Variants in ST7 observed in about 807,000 individuals in gnomAD.
ST7 encodes suppressor of tumorigenicity 7 protein.
In ST7, 28 loss-of-function variants were observed where a neutral mutation model predicts 78.7. That is an observed-to-expected ratio of 0.36 (90% CI 0.26 to 0.49). The LOEUF is 0.49. Ranked by LOEUF, ST7 falls within the 20% of genes least tolerant of loss-of-function variation. The probability of loss-of-function intolerance (pLI) is 0.99; values close to 1 mark genes in which losing one functional copy is unlikely to be tolerated. For synonymous variants in ST7, 247 were observed against 249.6 expected (o/e 0.99, Z 0.10); for missense variants, 418 against 696.0 (o/e 0.60, Z 4.49).
intron 1 of ST7, among the ~76,000 whole-genome samples, chr7:117,039,580 CAA>C (rs573637216): frequency 2.8e-4 from 23 of 81,390 alleles, no homozygotes; most frequent in Admixed American, 3.9e-4. Context: ...TCTGTAAAAG[CAA>C]AAAAAAAAAA....
chr7:117,217,810 A>C (rs1331024535), intron 13 of ST7, among the ~76,000 whole-genome samples: 1 of 152,220 alleles, frequency 6.6e-6, no homozygotes, highest in East Asian at 1.9e-4. Flanking sequence ...TCCCACATTT[A>C]TAGTGATTTA....
chr7:117,216,813 A>G (rs1046988111), intron 13 of ST7, among the ~76,000 whole-genome samples: 1 of 124,492 alleles, frequency 8.0e-6, no homozygotes, highest in African/African-American at 3.0e-5. Context: ...CATGAGAGAG[A>G]TTTTAAGAGC....
intron 1 of ST7, among the ~76,000 whole-genome samples, chr7:117,067,066 A>G (rs942140561): frequency 6.6e-6 from 1 of 152,076 alleles, no homozygotes; most frequent in Non-Finnish European, 1.5e-5. Context: ...CCATTTTGTA[A>G]CATGTATCAG....
At chr7:117,115,789 C>T (rs1214773807) in intron 2 of ST7, among the ~76,000 whole-genome samples, 1 of 152,092 alleles carries the variant, frequency 6.6e-6, no homozygotes, top group Non-Finnish European at 1.5e-5. Context: ...CTCTCTTTTT[C>T]ATAAAAAACA....
intron 1 of ST7, among the ~76,000 whole-genome samples, chr7:117,082,920 G>A (rs1019126145): frequency 2.0e-5 from 3 of 152,170 alleles, no homozygotes; most frequent in Non-Finnish European, 2.9e-5. Flanking sequence ...ATGTAGACAG[G>A]TCTGGTGTGT....
chr7:117,145,068 C>T (rs1476371570), intron 9 of ST7, among the ~76,000 whole-genome samples: 1 of 151,926 alleles, frequency 6.6e-6, no homozygotes, highest in Non-Finnish European at 1.5e-5. Context: ...GGTGTGGTAG[C>T]ACACGCCTGT....
At chr7:117,095,452 C>T (rs879452038) in intron 1 of ST7, among the ~76,000 whole-genome samples, 4 of 152,322 alleles carry the variant, frequency 2.6e-5, no homozygotes, top group Middle Eastern at 3.4e-3. Context: ...TTAGTTTCTT[C>T]TCAGTGCCAC....
intron 10 of ST7, among the ~76,000 whole-genome samples, chr7:117,175,697 A>C (rs779818421): frequency 2.0e-5 from 3 of 152,228 alleles, no homozygotes; most frequent in Non-Finnish European, 2.9e-5. Context: ...CCAAGATCAC[A>C]CAGCGGGTAA....
chr7:117,151,990 A>C (rs1806280888), intron 9 of ST7, among the ~76,000 whole-genome samples: 1 of 151,372 alleles, frequency 6.6e-6, no homozygotes, highest in African/African-American at 2.4e-5. Context: ...GTGGTGGCAC[A>C]TGCCTGTAGT....
intron 12 of ST7, among the ~76,000 whole-genome samples, chr7:117,205,251 G>A (rs1291810568): frequency 6.6e-6 from 1 of 151,990 alleles, no homozygotes; most frequent in African/African-American, 2.4e-5. Flanking sequence ...TAAATTGTTA[G>A]GGTACATTGA....
rs757562983 is a variant in ST7, at chr7:117,190,861, G to T, written c.1179G>T (p.Arg393=). 2 of 1,614,034 alleles carry T rather than the reference G, an allele frequency of 1.2e-6. No individual in the cohort carries two copies. Among genetic ancestry groups the T allele is most frequent in the Non-Finnish European group, 1.7e-6 (2 of 1,179,988 alleles). The stretch of plus-strand genomic sequence containing the variant: ...TCTCTCCTGAGGCTGCATCTCGGCG[G>T]GGGCTGAGCACAGCAGAGATGAATG... ...DKFSPEAASR[R]GLSTAEMNAV... The change falls in exon 12 of 16, where the codon CGG becomes CGT. Residue 393 remains arginine (R), a synonymous_variant. Transcript: ENST00000323984. This position sits in a 1 kb window ranked among gnomAD's most constrained non-coding sequence, Gnocchi z 5.2.
Position 117,142,101 on chromosome 7 carries a change from C to T in ST7, c.963+3569C>T, listed in dbSNP as rs546746662. Among the ~76,000 whole-genome samples, 179 of 152,158 alleles carry T rather than the reference C, an allele frequency of 1.2e-3. 1 individual carries two copies. The highest frequency in any genetic ancestry group is 4.1e-3 in the African/African-American group (170 of 41,518). ...TTTTGCCTCTTCAACATTTAATATA[C>T]GATACAATTTCTTTTTTCCTTTTGA... On this transcript the variant is annotated intron_variant, in intron 9 of 15. Coordinates refer to ENST00000323984, the MANE Select transcript of ST7 (RefSeq NM_001369598.1).
At chr7:117,175,368 G>T (rs1031361469) in intron 10 of ST7, among the ~76,000 whole-genome samples, 1 of 152,212 alleles carries the variant, frequency 6.6e-6, no homozygotes, top group Admixed American at 6.5e-5. Context: ...CAAAGATTAG[G>T]GTGGGAGTGT....
chr7:117,143,351 G>T (rs973056123), intron 9 of ST7, among the ~76,000 whole-genome samples: 1 of 152,072 alleles, frequency 6.6e-6, no homozygotes, highest in Non-Finnish European at 1.5e-5. Flanking sequence ...AGATCATCAT[G>T]CTGTTCTTGA....
intron 3 of ST7, among the ~76,000 whole-genome samples, chr7:117,127,505 A>G (rs1803950793): frequency 6.6e-6 from 1 of 151,950 alleles, no homozygotes; most frequent in Admixed American, 6.6e-5. Context: ...TAAAATAAAA[A>G]TATACCTGTC....
intron 15 of ST7, among the ~76,000 whole-genome samples, chr7:117,224,742 T>C (rs1246091875): frequency 1.3e-5 from 2 of 152,174 alleles, no homozygotes; most frequent in East Asian, 3.8e-4. Context: ...GAGGTATCTG[T>C]ATTTTTCACA....
chr7:117,101,962 C>T (rs904501656), intron 2 of ST7, among the ~76,000 whole-genome samples: 3 of 152,102 alleles, frequency 2.0e-5, no homozygotes, highest in African/African-American at 7.2e-5. Flanking sequence ...TAATTTATAC[C>T]ATGTCGCCTC....
intron 1 of ST7, among the ~76,000 whole-genome samples, chr7:116,970,425 C>T (rs1427332303): frequency 6.6e-6 from 1 of 152,138 alleles, no homozygotes; most frequent in East Asian, 1.9e-4. Flanking sequence ...GTTCTGGAGG[C>T]TGGGAAGTGC....
intron 1 of ST7, among the ~76,000 whole-genome samples, chr7:116,995,351 C>G (rs1001627883): frequency 6.6e-6 from 1 of 152,168 alleles, no homozygotes; most frequent in Non-Finnish European, 1.5e-5. Flanking sequence ...ATATACATAT[C>G]TAAGTTTACC....
Sources: gnomAD v4.1 joint callset for allele counts (sites outside exome capture counted in the v4.1 genomes callset) on GRCh38, gnomAD v4.1.1 for gene constraint, Gnocchi (gnomAD v3.1) non-coding constraint, MANE v1.5 for transcripts, NCBI Gene and HGNC (gene_info 2026-07-23, HGNC 2026-07-21) for gene names.